KCTD1: variants seen among roughly 807,000 people sequenced by gnomAD.
The protein encoded by KCTD1 is potassium channel tetramerization domain containing 1.
In KCTD1, 24 loss-of-function variants were observed where a neutral mutation model predicts 66.0. That is an observed-to-expected ratio of 0.36 (90% confidence interval 0.26 to 0.51). KCTD1 has a LOEUF of 0.51. Among genes scored for constraint, KCTD1 ranks in the 20% least tolerant of loss-of-function variants. The probability of loss-of-function intolerance (pLI) is 0.95; values close to 1 mark genes in which losing one functional copy is unlikely to be tolerated. For missense variants in KCTD1, 943 were observed against 1,205.2 expected (o/e 0.78, Z 3.22); for synonymous variants, 511 against 517.2 (o/e 0.99, Z 0.16).
intron 1 of KCTD1, among the ~76,000 whole-genome samples, chr18:26,509,997 T>G (rs1983254079): frequency 6.6e-6 from 1 of 152,188 alleles, no homozygotes; most frequent in Admixed American, 6.5e-5. Context: ...GCGTCTGGCA[T>G]TTAGAAGGAA....
At chr18:26,573,918 C>T (rs1986166080) in intron 1 of KCTD1, among the ~76,000 whole-genome samples, 1 of 152,140 alleles carries the variant, frequency 6.6e-6, no homozygotes, top group African/African-American at 2.4e-5. Flanking sequence ...ATTTGCTGGA[C>T]ATCTCCTATC....
At chr18:26,508,109 GATAGAATTC>G (rs1983140247) in intron 1 of KCTD1, among the ~76,000 whole-genome samples, 1 of 152,130 alleles carries the variant, frequency 6.6e-6, no homozygotes, top group South Asian at 2.1e-4. Context: ...TATTTCCTTT[GATAGAATTC>G]ACCAAATCTG....
At chr18:26,517,850 G>A (rs529071810) in intron 1 of KCTD1, among the ~76,000 whole-genome samples, 8 of 152,278 alleles carry the variant, frequency 5.3e-5, no homozygotes, top group South Asian at 2.1e-4. Flanking sequence ...TATCAGCAGC[G>A]TGAAAACAGA....
chr18:26,514,790 C>T (rs1000468413), intron 1 of KCTD1, among the ~76,000 whole-genome samples: 2 of 152,168 alleles, frequency 1.3e-5, no homozygotes, highest in Non-Finnish European at 2.9e-5. Context: ...TAGTTACATT[C>T]GTCCTATTTG....
chr18:26,535,567 G>A (rs369468962), intron 1 of KCTD1, among the ~76,000 whole-genome samples: 3 of 152,042 alleles, frequency 2.0e-5, no homozygotes, highest in Non-Finnish European at 4.4e-5. Flanking sequence ...CATTTCACCC[G>A]ACCCATCATG....
chr18:26,629,082 G>T, intron 1 of KCTD1: 2 of 710,798 alleles, frequency 2.8e-6, no homozygotes, highest in Non-Finnish European at 3.5e-6. Context: ...TGTCTTTCTG[G>T]CTTTGCAGAT....
chr18:26,624,627 T>C (rs1987459001), intron 1 of KCTD1, among the ~76,000 whole-genome samples: 1 of 152,220 alleles, frequency 6.6e-6, no homozygotes, highest in Admixed American at 6.5e-5. Context: ...TGCCTGGATG[T>C]CCAGGCAGAA....
At chr18:26,529,988 T>A (rs1256603924) in intron 1 of KCTD1, among the ~76,000 whole-genome samples, 1 of 152,222 alleles carries the variant, frequency 6.6e-6, no homozygotes, top group African/African-American at 2.4e-5. Flanking sequence ...CGGCTAGACC[T>A]ACAGACAAGG....
chr18:26,476,634 C>T lies in KCTD1; in HGVS notation c.2014G>A (p.Glu672Lys). 1 of 1,612,146 alleles carries T rather than the reference C, an allele frequency of 6.2e-7. No individual in the cohort carries two copies. Among genetic ancestry groups the T allele is most frequent in the Non-Finnish European group, 8.5e-7 (1 of 1,179,506 alleles). Reference protein sequence around the residue: ...SRIGRLFDGTEPIVLDSLKQH... With the variant: ...SRIGRLFDGTKPIVLDSLKQH... Reference sequence around the variant, plus strand: ...TTGAGACTGTCCAAAACAATGGGCTCTGTACCATCAAAAAGTCTTCCGATT... The same window carrying T: ...TTGAGACTGTCCAAAACAATGGGCTTTGTACCATCAAAAAGTCTTCCGATT... The change falls in exon 3 of 5, where the codon GAG becomes AAG. Residue 672 changes from glutamate to lysine, a missense_variant. Around this residue, in one of 10 missense-constraint regions of KCTD1, gnomAD observed 41 missense variants for 103.8 expected, o/e 0.39. Coordinates refer to ENST00000580059, the MANE Select transcript of KCTD1 (RefSeq NM_001142730.3). The surrounding 1 kb of genome is among the most constrained non-coding windows in gnomAD (Gnocchi z 4.9).
chr18:26,643,698 C>T (rs1043237083), upstream of KCTD1, among the ~76,000 whole-genome samples: 1 of 152,240 alleles, frequency 6.6e-6, no homozygotes, highest in Non-Finnish European at 1.5e-5. Flanking sequence ...TGCGGTGGCT[C>T]ACGCCTGTAA....
At chr18:26,512,819 A>C (rs1344315035) in intron 1 of KCTD1, among the ~76,000 whole-genome samples, 2 of 152,006 alleles carry the variant, frequency 1.3e-5, no homozygotes, top group Non-Finnish European at 1.5e-5. Flanking sequence ...CATCTCTACT[A>C]AAAATGCAAA....
chr18:26,645,387 T>C (rs1373943715), intron 1 of KCTD1, among the ~76,000 whole-genome samples: 1 of 152,092 alleles, frequency 6.6e-6, no homozygotes, highest in Non-Finnish European at 1.5e-5. Flanking sequence ...GTAGCTAGGA[T>C]TACAGGCACA....
At chr18:26,498,358 T>C (rs1272206092) in intron 2 of KCTD1, among the ~76,000 whole-genome samples, 1 of 151,536 alleles carries the variant, frequency 6.6e-6, no homozygotes, top group East Asian at 1.9e-4. Context: ...TATTTCAGTA[T>C]CAGGTTAGGG....
intron 1 of KCTD1, among the ~76,000 whole-genome samples, chr18:26,593,387 A>G (rs372829595): frequency 0.022 from 975 of 44,370 alleles, 7 homozygotes; most frequent in Middle Eastern, 0.054. Context: ...AGGAGGAGGA[A>G]GAAGAGGAGG....
intron 1 of KCTD1, among the ~76,000 whole-genome samples, chr18:26,524,916 T>A (rs1244574496): frequency 6.6e-6 from 1 of 152,190 alleles, no homozygotes; most frequent in African/African-American, 2.4e-5. Context: ...CGACTTTTAG[T>A]TCTCCTTTTA....
chr18:26,474,116 A>C (rs1981217807), intron 3 of KCTD1, among the ~76,000 whole-genome samples: 1 of 152,200 alleles, frequency 6.6e-6, no homozygotes, highest in South Asian at 2.1e-4. Flanking sequence ...AACATACTAT[A>C]CATATGGTTC....
upstream of KCTD1, among the ~76,000 whole-genome samples, chr18:26,630,789 T>C (rs1423321149): frequency 1.3e-5 from 2 of 152,250 alleles, no homozygotes; most frequent in Non-Finnish European, 2.9e-5. Flanking sequence ...CATTGTTATC[T>C]GAAAGAGCAA....
chr18:26,598,471 TACACAC>T (rs4041522), intron 1 of KCTD1, among the ~76,000 whole-genome samples: 68 of 149,774 alleles, frequency 4.5e-4, no homozygotes, highest in African/African-American at 1.3e-3. Context: ...TCTCTTTTTT[TACACAC>T]ACACACACAC....
chr18:26,644,279 G>A (rs771337743), upstream of KCTD1, among the ~76,000 whole-genome samples: 19 of 152,114 alleles, frequency 1.2e-4, no homozygotes, highest in Non-Finnish European at 1.9e-4. Context: ...AGGGCCTCAG[G>A]ATCAAAAGTG....
Sources: allele counts gnomAD v4.1 joint callset (sites outside exome capture counted in the v4.1 genomes callset), GRCh38; gene constraint gnomAD v4.1.1; regional missense constraint gnomAD v4.1.1; non-coding constraint Gnocchi (gnomAD v3.1); transcripts MANE v1.5; gene names NCBI Gene and HGNC (gene_info 2026-07-23, HGNC 2026-07-21).